ASAH2: variants seen among roughly 807,000 people sequenced by gnomAD.
ASAH2 encodes the protein N-acylsphingosine amidohydrolase 2, also known as neutral ceramidase.
In ASAH2, 58 loss-of-function variants were observed where a neutral mutation model predicts 82.9. The observed-to-expected ratio is 0.70, with a 90% CI of 0.57 to 0.87. ASAH2 has a LOEUF of 0.87. Ranked by LOEUF, ASAH2 falls within the 40% of genes least tolerant of loss-of-function variation. The pLI is 0.00. For missense variants in ASAH2, 779 were observed against 834.0 expected, an observed-to-expected ratio of 0.93 and a Z score of 0.81; for synonymous variants, 276 against 289.7, an observed-to-expected ratio of 0.95 and a Z score of 0.48.
chr10:50,226,517 A>C (rs1337937095), intron 7 of ASAH2, among the ~76,000 whole-genome samples: 1 of 152,116 alleles, frequency 6.6e-6, no homozygotes, highest in Non-Finnish European at 1.5e-5. Flanking sequence ...TACAACACCA[A>C]GAATGAACCC....
chr10:50,205,006 G>T, intron 13 of ASAH2, 51 bp from the exon 14 acceptor site: 2 of 1,299,748 alleles, frequency 1.5e-6, no homozygotes, highest in Non-Finnish European at 1.1e-6. Flanking sequence ...TCTCTCTATG[G>T]TCAACAGACA....
At position 50,212,977 on chromosome 10, in the gene ASAH2, C is replaced by G; in HGVS notation, c.1222G>C (p.Ala408Pro). ...GAGCGAGGCCCATGGCTTACCTTTG[C>G]TCTCTGATACATGGCCCGTCCTATA... ...QIIGRAMYQR[A>P]KELYASASQE... Residue 408 changes from alanine (A) to proline (P), a missense_variant, in exon 10 of 21, where the codon GCA becomes CCA. Physicochemically the swap from Ala to Pro is conservative, Grantham distance 27. Around this residue, in one of 3 missense-constraint regions of ASAH2, gnomAD observed 759 missense variants for 755.2 expected, o/e 1.00. Transcript: ENST00000682911. The G allele has an allele frequency of 6.2e-7, 1 of 1,613,510 alleles. No individual in the cohort carries two copies. The highest frequency in any genetic ancestry group is 8.5e-7 in the Non-Finnish European group (1 of 1,179,494).
At chr10:50,217,095 T>C (rs1220002933) in intron 8 of ASAH2, among the ~76,000 whole-genome samples, 1 of 152,206 alleles carries the variant, frequency 6.6e-6, no homozygotes, top group Admixed American at 6.5e-5. Context: ...CTTCTCACTC[T>C]CTAGGGAATG....
intron 10 of ASAH2, among the ~76,000 whole-genome samples, chr10:50,212,697 A>C (rs199516662): frequency 0.15 from 22,994 of 152,076 alleles, 2,044 homozygotes; most frequent in East Asian, 0.33. Context: ...GTGTCTAAGC[A>C]AGCACTCTGG....
chr10:50,207,802 A>G (rs2133204398), intron 12 of ASAH2, among the ~76,000 whole-genome samples: 1 of 152,022 alleles, frequency 6.6e-6, no homozygotes, highest in Non-Finnish European at 1.5e-5. Context: ...ACACTTCCTG[A>G]TTCATTCTAT....
intron 7 of ASAH2, 127 bp downstream of exon 7, chr10:50,233,057 A>T (rs2133224181): frequency 1.2e-6 from 1 of 826,110 alleles, no homozygotes; most frequent in East Asian, 2.5e-5. Flanking sequence ...GTCTGACTTC[A>T]GAACCTGGAC....
At chr10:50,217,944 G>A (rs981324344) in intron 8 of ASAH2, among the ~76,000 whole-genome samples, 3 of 152,088 alleles carry the variant, frequency 2.0e-5, no homozygotes, top group Non-Finnish European at 4.4e-5. Context: ...GACCAACATG[G>A]CGAAACCCTG....
chr10:50,207,694 A>C (rs1309283059), intron 12 of ASAH2, among the ~76,000 whole-genome samples: 4 of 151,766 alleles, frequency 2.6e-5, no homozygotes, highest in Non-Finnish European at 4.4e-5. Flanking sequence ...AACTACTTAC[A>C]ACAAATAACA....
intron 8 of ASAH2, 108 bp downstream of exon 8, chr10:50,218,402 T>A (rs1845664691): frequency 6.8e-7 from 1 of 1,480,716 alleles, no homozygotes; most frequent in African/African-American, 1.4e-5. Context: ...ATATGTGAGA[T>A]TGATGATGAC....
At chr10:50,194,231 C>T (rs1844915410) in intron 18 of ASAH2, among the ~76,000 whole-genome samples, 1 of 151,392 alleles carries the variant, frequency 6.6e-6, no homozygotes, top group Admixed American at 6.6e-5. Flanking sequence ...AAAAATATCC[C>T]TCATGGACAT....
At position 50,204,965 on chromosome 10, in the gene ASAH2, C is replaced by G; in HGVS notation, c.1531-10G>C. On this transcript the variant is annotated splice_polypyrimidine_tract_variant and intron_variant, in intron 13 of 20. Coordinates refer to ENST00000682911, the MANE Select transcript of ASAH2 (RefSeq NM_019893.4). ...GGTGAGGTTTTGATAGCTGAGAACC[C>G]AAAACAAGAAAATTATGTTAGGGAT... 2.5e-6 allele frequency: 4 copies of G among 1,585,346 alleles called. No homozygotes were observed. Among genetic ancestry groups the G allele is most frequent in the Non-Finnish European group, 3.4e-6 (4 of 1,161,748 alleles).
Position 50,204,768 on chromosome 10 carries a change from T to G in ASAH2, c.1625+93A>C. ...AACAGTACAGTAGGATACCAAGGGGTCAACACAGAATGATCTTTTCATGAT... is the reference window on the plus strand; with the variant it reads ...AACAGTACAGTAGGATACCAAGGGGGCAACACAGAATGATCTTTTCATGAT... On this transcript the variant is annotated intron_variant, in intron 14 of 20. Coordinates refer to ENST00000682911, the MANE Select transcript of ASAH2 (RefSeq NM_019893.4). 5.0e-6 allele frequency: 5 copies of G among 999,492 alleles called. 1 individual carries two copies. The South Asian group carries it at 6.9e-5, about 14-fold the overall frequency. The allele number at this position is 999,492 out of a possible 1,614,324, so 61.9% of individuals were successfully genotyped here.
At position 50,211,118 on chromosome 10, in the gene ASAH2, G is replaced by A. The variant is rs1845444191; in HGVS notation, c.1244C>T (p.Ala415Val). Reference sequence around the variant, plus strand: ...CAGTGGTCCTGTTACCTCCTGGGAGGCAGAGGCATAGAGTTCCTAGAAAAC... The same window carrying A: ...CAGTGGTCCTGTTACCTCCTGGGAGACAGAGGCATAGAGTTCCTAGAAAAC... ...YQRAKELYAS[A>V]SQEVTGPLAS... The change falls in exon 11 of 21, where the codon GCC becomes GTC. Residue 415 changes from alanine to valine, a missense_variant. This residue lies in a region of ASAH2 where 759 missense variants were observed against 755.2 expected (regional missense o/e 1.00). Transcript: ENST00000682911. 2.4e-5 allele frequency: 39 copies of A among 1,612,902 alleles called. No homozygotes were observed. The South Asian group carries it at 4.3e-4, about 18-fold the overall frequency.
intron 14 of ASAH2, 25 bp from the exon 15 acceptor site, chr10:50,203,704 A>C: frequency 1.2e-6 from 2 of 1,610,280 alleles, no homozygotes; most frequent in Non-Finnish European, 1.7e-6. Flanking sequence ...AAATTATGTA[A>C]ACGTTTTCCT....
At chr10:50,250,875 G>C (rs1846596610) in intron 1 of ASAH2, among the ~76,000 whole-genome samples, 2 of 152,202 alleles carry the variant, frequency 1.3e-5, no homozygotes, top group Admixed American at 1.3e-4. Context: ...GGACTTGAAT[G>C]ATCTACCTCA....
At chr10:50,233,369 G>T in intron 6 of ASAH2, 108 bp from the exon 7 acceptor site, 1 of 767,830 alleles carries the variant, frequency 1.3e-6, no homozygotes, top group Non-Finnish European at 2.4e-6. Context: ...CTCAGTAAGT[G>T]AGATGTCTTG....
At chr10:50,205,135 CT>C (rs1415505273) in intron 13 of ASAH2, among the ~76,000 whole-genome samples, 180 bp from the exon 14 acceptor site, 254 of 152,132 alleles carry the variant, frequency 1.7e-3, no homozygotes, top group African/African-American at 5.8e-3. Flanking sequence ...CCCCATTAAC[CT>C]GCAGAAATCA....
intron 18 of ASAH2, among the ~76,000 whole-genome samples, chr10:50,196,194 A>G (rs1350921903): frequency 1.3e-5 from 2 of 151,880 alleles, no homozygotes; most frequent in Admixed American, 6.6e-5. Flanking sequence ...AAAATTAAAT[A>G]AAATTTTTTA....
At chr10:50,243,685 T>C (rs1846368920) in intron 3 of ASAH2, among the ~76,000 whole-genome samples, 1 of 152,184 alleles carries the variant, frequency 6.6e-6, no homozygotes. Flanking sequence ...ACGAGAGATC[T>C]TTCTGGCCTT....
Sources: allele counts gnomAD v4.1 joint callset (sites outside exome capture counted in the v4.1 genomes callset), GRCh38; gene constraint gnomAD v4.1.1; regional missense constraint gnomAD v4.1.1; transcripts MANE v1.5; gene names NCBI Gene and HGNC (gene_info 2026-07-23, HGNC 2026-07-21).